Variants in BRINP2 observed in about 807,000 individuals in gnomAD.
BRINP2 encodes the protein BMP/retinoic acid inducible neural specific 2.
BRINP2 carries 21 observed loss-of-function variants against 69.2 expected under a neutral mutation model. The ratio of observed to expected loss-of-function variants is 0.30; its 90% CI spans 0.22 to 0.44. The LOEUF is 0.44. Ranked by LOEUF, BRINP2 falls within the 20% of genes least tolerant of loss-of-function variation. BRINP2 has a pLI of 1.00. For missense variants in BRINP2, 877 were observed against 986.0 expected (o/e 0.89, Z 1.48); for synonymous variants, 380 against 394.1 (o/e 0.96, Z 0.42).
At position 177,247,351 on chromosome 1, in the gene BRINP2, T is replaced by C. The variant is rs551384272; in HGVS notation, c.270-8568T>C. ...ACAAAGGCTCTGAGAACAAAGACAG[T>C]TGAACTTACCCAGAACTGGTTGGTA... is the stretch of plus-strand genomic sequence containing the variant. On this transcript the variant is annotated intron_variant, in intron 2 of 7. Coordinates refer to ENST00000361539, the MANE Select transcript of BRINP2 (RefSeq NM_021165.4). Among the ~76,000 whole-genome samples the C allele has an allele frequency of 4.6e-5, 7 of 152,330 alleles. No individual in the cohort carries two copies. In the South Asian group the frequency reaches 6.2e-4, roughly 14 times the overall value.
Position 177,280,988 on chromosome 1 carries a change from T to C in BRINP2, c.1812T>C (p.Pro604=). The part of the protein sequence containing the change: ...GGSHSESWFM[P]VNEGSFPDWE... ...GCCACTCTGAGAGCTGGTTCATGCC[T>C]GTGAATGAGGGCAGCTTTCCTGACT... The change falls in exon 8 of 8, where the codon CCT becomes CCC. Residue 604 remains proline (P), a synonymous_variant. Transcript: ENST00000361539. The C allele has an allele frequency of 6.2e-7, 1 of 1,614,196 alleles. No individual in the cohort carries two copies. The highest frequency in any genetic ancestry group is 1.1e-5 in the South Asian group (1 of 91,084).
chr1:177,213,924 AATT>A (rs1157490546), intron 1 of BRINP2, among the ~76,000 whole-genome samples: 1 of 152,206 alleles, frequency 6.6e-6, no homozygotes, highest in Non-Finnish European at 1.5e-5. Flanking sequence ...GAAATGGGAA[AATT>A]ATTACCACAT....
At chr1:177,188,868 C>A (rs1648507182) in intron 1 of BRINP2, among the ~76,000 whole-genome samples, 1 of 152,076 alleles carries the variant, frequency 6.6e-6, no homozygotes. Context: ...TTTAAAGAAG[C>A]AGAAACTGCA....
At chr1:177,278,434 A>C (rs1166753760) in intron 6 of BRINP2, 129 bp from the exon 7 acceptor site, 1 of 789,538 alleles carries the variant, frequency 1.3e-6, no homozygotes, top group Non-Finnish European at 2.1e-6. Flanking sequence ...GCACCCAGGG[A>C]AATGGGTGTG....
intron 7 of BRINP2, 121 bp from the exon 8 acceptor site, chr1:177,280,291 T>A: frequency 9.6e-7 from 1 of 1,039,810 alleles, no homozygotes; most frequent in South Asian, 1.6e-5. Flanking sequence ...TCAGAGATCT[T>A]GGGGATTTTA....
intron 1 of BRINP2, among the ~76,000 whole-genome samples, chr1:177,191,486 G>C (rs531694860): frequency 6.6e-6 from 1 of 151,948 alleles, no homozygotes; most frequent in East Asian, 1.9e-4. Context: ...ATGGAGTCTA[G>C]CTCTGTCACC....
chr1:177,251,360 T>C lies in BRINP2; in HGVS notation c.270-4559T>C, dbSNP rs572529171. Among the ~76,000 whole-genome samples the C allele has an allele frequency of 8.1e-4, 124 of 152,352 alleles. 2 individuals carry two copies. The highest frequency in any genetic ancestry group is 2.4e-3 in the Admixed American group (37 of 15,300). On this transcript the variant is annotated intron_variant, in intron 2 of 7. Coordinates refer to ENST00000361539, the MANE Select transcript of BRINP2 (RefSeq NM_021165.4). ...TGGAATGTTCTGGGTAATAAAAATATTTGTGTTAAAGGATACTAAACACCA... is the reference window on the plus strand; with the variant it reads ...TGGAATGTTCTGGGTAATAAAAATACTTGTGTTAAAGGATACTAAACACCA...
intron 2 of BRINP2, among the ~76,000 whole-genome samples, chr1:177,240,611 C>T (rs6670719): frequency 0.019 from 2,825 of 152,154 alleles, 79 homozygotes; most frequent in African/African-American, 0.065. Flanking sequence ...AGTGAGACTC[C>T]GTAAAAGAAA....
intron 1 of BRINP2, among the ~76,000 whole-genome samples, chr1:177,189,378 A>G (rs1161133344): frequency 8.0e-6 from 1 of 125,148 alleles, no homozygotes; most frequent in African/African-American, 3.1e-5. Context: ...CTCCCAGAAT[A>G]GGGTTCAGGA....
rs76036150 is a variant in BRINP2, at chr1:177,231,171, A to G, written c.269+1026A>G. ...AGATTTATCAACTTGCATGCCTTATATAAAGTAACTCCAACCCTATGTTGG... is the reference window on the plus strand; with the variant it reads ...AGATTTATCAACTTGCATGCCTTATGTAAAGTAACTCCAACCCTATGTTGG... On this transcript the variant is annotated intron_variant, in intron 2 of 7. Transcript: ENST00000361539. Among the ~76,000 whole-genome samples the G allele has an allele frequency of 4.7e-3, 709 of 152,242 alleles. 3 individuals are homozygous for G. Among genetic ancestry groups the G allele is most frequent in the African/African-American group, 0.016 (668 of 41,546 alleles).
At chr1:177,198,432 A>G (rs926348023) in intron 1 of BRINP2, among the ~76,000 whole-genome samples, 1 of 152,198 alleles carries the variant, frequency 6.6e-6, no homozygotes, top group African/African-American at 2.4e-5. Context: ...CGATGATTGT[A>G]TATGCACACA....
At chr1:177,202,249 G>C (rs1232516328) in intron 1 of BRINP2, among the ~76,000 whole-genome samples, 5 of 152,186 alleles carry the variant, frequency 3.3e-5, no homozygotes, top group Middle Eastern at 3.4e-3. Context: ...GCTAGCTTTT[G>C]AATGTGTTTG....
chr1:177,278,811 C>T (rs779790287), intron 7 of BRINP2, 26 bp downstream of exon 7: 1 of 1,607,944 alleles, frequency 6.2e-7, no homozygotes, highest in Non-Finnish European at 8.5e-7. Flanking sequence ...CTGCTACAGC[C>T]AGAGCTCAGC....
intron 2 of BRINP2, among the ~76,000 whole-genome samples, chr1:177,252,071 T>A (rs1650602558): frequency 6.6e-6 from 1 of 152,174 alleles, no homozygotes. Flanking sequence ...GTGAGAGGAT[T>A]CTAGTTTCCA....
At chr1:177,196,517 C>T (rs1648751746) in intron 1 of BRINP2, among the ~76,000 whole-genome samples, 1 of 151,928 alleles carries the variant, frequency 6.6e-6, no homozygotes, top group Non-Finnish European at 1.5e-5. Context: ...ACTTGGGAGG[C>T]TGAGGCAGGA....
chr1:177,178,336 C>G (rs1480287437), intron 1 of BRINP2, among the ~76,000 whole-genome samples: 1 of 152,190 alleles, frequency 6.6e-6, no homozygotes, highest in Admixed American at 6.5e-5. Flanking sequence ...AATTGCTTAG[C>G]ATAACAAACA....
rs765580916 is a variant in BRINP2, at chr1:177,280,502, C to T, written c.1326C>T (p.Ser442=). ...GCACTTTCCTGGAACAGAGCCACAG[C>T]TGCACCTGCCCCTATGACCAATCTT... is the stretch of plus-strand genomic sequence containing the variant. ...FPGTFLEQSH[S]CTCPYDQSSC... Residue 442 remains serine (S), a synonymous_variant, in exon 8 of 8, where the codon AGC becomes AGT. Coordinates refer to ENST00000361539, the MANE Select transcript of BRINP2 (RefSeq NM_021165.4). 8 of 1,614,110 alleles carry T rather than the reference C, an allele frequency of 5.0e-6. No individual in the cohort carries two copies. The highest frequency in any genetic ancestry group is 6.8e-6 in the Non-Finnish European group (8 of 1,180,052).
At chr1:177,179,659 GAAC>G (rs778540308) in intron 1 of BRINP2, among the ~76,000 whole-genome samples, 99 of 152,118 alleles carry the variant, frequency 6.5e-4, no homozygotes, top group Non-Finnish European at 1.5e-4. Flanking sequence ...TCTCTCCTGT[GAAC>G]AACGTGTCAC....
chr1:177,193,001 C>T (rs1648636276), intron 1 of BRINP2, among the ~76,000 whole-genome samples: 1 of 152,174 alleles, frequency 6.6e-6, no homozygotes, highest in Non-Finnish European at 1.5e-5. Context: ...TTACACTGAA[C>T]ATAACAACCT....
Sources: gnomAD v4.1 joint callset for allele counts (sites outside exome capture counted in the v4.1 genomes callset) on GRCh38, gnomAD v4.1.1 for gene constraint, MANE v1.5 for transcripts, NCBI Gene and HGNC (gene_info 2026-07-23, HGNC 2026-07-21) for gene names.